AIG1: variants seen among roughly 807,000 people sequenced by gnomAD.
AIG1 encodes the protein androgen-induced gene 1 protein.
Under a neutral mutation model 31.4 loss-of-function variants are expected in AIG1, and 23 were observed. The observed-to-expected ratio is 0.73, with a 90% CI of 0.53 to 1.04. The LOEUF (loss-of-function observed/expected upper bound fraction) is 1.04, where lower values mean the gene tolerates loss of function less well. Among genes scored for constraint, AIG1 ranks in the 50% least tolerant of loss-of-function variants. AIG1 has a pLI of 0.00. For missense variants in AIG1, 274 were observed against 295.0 expected (o/e 0.93, Z 0.52); for synonymous variants, 100 against 110.5 (o/e 0.90, Z 0.60).
intron 1 of AIG1, among the ~76,000 whole-genome samples, chr6:143,089,798 T>C (rs958529197): frequency 5.3e-5 from 8 of 152,116 alleles, no homozygotes; most frequent in African/African-American, 9.7e-5. Flanking sequence ...ATATAACCCA[T>C]TTACTGCCCC....
chr6:143,142,532 G>A (rs1002072755), intron 2 of AIG1, among the ~76,000 whole-genome samples: 1 of 152,130 alleles, frequency 6.6e-6, no homozygotes, highest in African/African-American at 2.4e-5. Context: ...GCTGCATCGC[G>A]GTATGAAGAT....
chr6:143,173,984 T>C (rs1157946547), intron 3 of AIG1, among the ~76,000 whole-genome samples: 1 of 152,152 alleles, frequency 6.6e-6, no homozygotes, highest in Non-Finnish European at 1.5e-5. Flanking sequence ...GTCAGTGGAG[T>C]ATTGAAGTCC....
At chr6:143,198,841 G>A (rs933813558) in intron 3 of AIG1, among the ~76,000 whole-genome samples, 1 of 152,224 alleles carries the variant, frequency 6.6e-6, no homozygotes, top group Non-Finnish European at 1.5e-5. Context: ...AACTGCAAGT[G>A]AGTCTAAGAA....
intron 1 of AIG1, chr6:143,061,397 C>CAATT: frequency 1.6e-5 from 7 of 439,004 alleles, no homozygotes; most frequent in South Asian, 1.2e-4. Flanking sequence ...GAAGAATCTT[C>CAATT]AACAAAAGCA....
intron 3 of AIG1, among the ~76,000 whole-genome samples, chr6:143,210,517 C>T (rs1333981181): frequency 6.6e-6 from 1 of 152,184 alleles, no homozygotes; most frequent in Non-Finnish European, 1.5e-5. Flanking sequence ...GTACAGAACA[C>T]AGTAAAGTTT....
At chr6:143,199,159 T>C (rs568570277) in intron 3 of AIG1, among the ~76,000 whole-genome samples, 1 of 152,176 alleles carries the variant, frequency 6.6e-6, no homozygotes, top group African/African-American at 2.4e-5. Context: ...TCAGTATTCG[T>C]TGAATAAAAT....
At chr6:143,081,151 A>G (rs919023125) in intron 1 of AIG1, among the ~76,000 whole-genome samples, 3 of 152,200 alleles carry the variant, frequency 2.0e-5, no homozygotes, top group African/African-American at 7.2e-5. Context: ...GCTATAGGCA[A>G]CAGAGCAGGC....
intron 1 of AIG1, among the ~76,000 whole-genome samples, chr6:143,069,006 A>T (rs1253810681): frequency 2.0e-5 from 3 of 151,900 alleles, no homozygotes; most frequent in Non-Finnish European, 2.9e-5. Context: ...ATACACTAAA[A>T]TTTATTCCTT....
chr6:143,171,427 A>G (rs1183199065), intron 3 of AIG1, among the ~76,000 whole-genome samples: 1 of 106,192 alleles, frequency 9.4e-6, no homozygotes, highest in Non-Finnish European at 1.7e-5. Flanking sequence ...TATATAATAT[A>G]TATAATATAT....
intron 3 of AIG1, among the ~76,000 whole-genome samples, chr6:143,176,246 G>GT (rs777450627): frequency 6.6e-6 from 1 of 152,202 alleles, no homozygotes; most frequent in Non-Finnish European, 1.5e-5. Flanking sequence ...GTTCTTGGCT[G>GT]TATTTTTGTG....
At chr6:143,145,246 A>C (rs540385345) in intron 2 of AIG1, among the ~76,000 whole-genome samples, 1 of 152,138 alleles carries the variant, frequency 6.6e-6, no homozygotes, top group Non-Finnish European at 1.5e-5. Flanking sequence ...GCTGGTCTCA[A>C]ACTCCTGAGC....
chr6:143,299,711 G>A lies in AIG1; in HGVS notation c.515+15486G>A, dbSNP rs9376741. ...TGACACACAAAACTCTTCAACAGTA[G>A]GCTCTGCCTCTTCTCAGAACGCCAC... is the stretch of plus-strand genomic sequence containing the variant. On this transcript the variant is annotated intron_variant, in intron 4 of 5. Coordinates refer to ENST00000357847, the MANE Select transcript of AIG1 (RefSeq NM_016108.4). This position sits in a 1 kb window ranked among gnomAD's most constrained non-coding sequence, Gnocchi z 4.1. Among the ~76,000 whole-genome samples the A allele has an allele frequency of 0.27, 41,293 of 152,002 alleles. 7,235 individuals are homozygous for A. Among genetic ancestry groups the A allele is most frequent in the African/African-American group, 0.49 (20,458 of 41,408 alleles).
intron 1 of AIG1, among the ~76,000 whole-genome samples, chr6:143,094,658 A>G (rs1387253258): frequency 6.6e-6 from 1 of 152,166 alleles, no homozygotes; most frequent in Non-Finnish European, 1.5e-5. Context: ...CAAGTAAAAA[A>G]GTGACCCCTA....
At chr6:143,301,379 T>G (rs1798813866) in intron 4 of AIG1, among the ~76,000 whole-genome samples, 1 of 152,218 alleles carries the variant, frequency 6.6e-6, no homozygotes, top group Admixed American at 6.5e-5. Flanking sequence ...GTAGCAGTCT[T>G]TCTTTTGTTA....
intron 2 of AIG1, among the ~76,000 whole-genome samples, chr6:143,144,111 G>C (rs1244861513): frequency 6.6e-6 from 1 of 152,198 alleles, no homozygotes; most frequent in East Asian, 1.9e-4. Context: ...TGCTAGCTCA[G>C]AGTGGTCAGC....
chr6:143,066,525 G>A (rs1776725731), intron 1 of AIG1, among the ~76,000 whole-genome samples: 1 of 151,982 alleles, frequency 6.6e-6, no homozygotes, highest in Non-Finnish European at 1.5e-5. Flanking sequence ...TGTCTGCATT[G>A]GCCTCCCAAA....
At chr6:143,283,469 A>C (rs1352898669) in intron 3 of AIG1, among the ~76,000 whole-genome samples, 1 of 152,244 alleles carries the variant, frequency 6.6e-6, no homozygotes, top group Non-Finnish European at 1.5e-5. Context: ...TTGACAATAA[A>C]AACATAATTT....
Position 143,147,595 on chromosome 6 carries a change from A to G in AIG1, c.297+10605A>G, listed in dbSNP as rs143662532. 2.8e-3 allele frequency among the ~76,000 whole-genome samples: 433 copies of G among 152,332 alleles called. 2 individuals carry two copies. The highest frequency in any genetic ancestry group is 9.9e-3 in the African/African-American group (411 of 41,568). On this transcript the variant is annotated intron_variant, in intron 2 of 5. Transcript: ENST00000357847. The stretch of plus-strand genomic sequence containing the variant: ...TATTACACTAGATAATAAAATTAGC[A>G]TTGAGTCAACAAAGGAAAATGGCCC...
chr6:143,252,421 T>G (rs1795074707), intron 3 of AIG1, among the ~76,000 whole-genome samples: 1 of 152,136 alleles, frequency 6.6e-6, no homozygotes, highest in Non-Finnish European at 1.5e-5. Flanking sequence ...ATATTTCTCT[T>G]AACGCACAGT....
Sources: gnomAD v4.1 joint callset for allele counts (sites outside exome capture counted in the v4.1 genomes callset) on GRCh38, gnomAD v4.1.1 for gene constraint, Gnocchi (gnomAD v3.1) non-coding constraint, MANE v1.5 for transcripts, NCBI Gene and HGNC (gene_info 2026-07-23, HGNC 2026-07-21) for gene names.